The following PUDP variants were observed in gnomAD, a reference collection of about 807,000 sequenced individuals.
PUDP encodes pseudouridine-5'-phosphatase.
In PUDP, 8 loss-of-function variants were observed where a neutral mutation model predicts 9.4. That is an observed-to-expected ratio of 0.85 (90% CI 0.50 to 1.53). The LOEUF (loss-of-function observed/expected upper bound fraction) is 1.53, where lower values mean the gene tolerates loss of function less well. PUDP is among the 40% of genes most tolerant of loss of function. The pLI, the probability that PUDP is intolerant of heterozygous loss-of-function variation, is 0.00. For synonymous variants in PUDP, 99 were observed against 80.7 expected (o/e 1.23, Z -1.22); for missense variants, 188 against 189.7 (o/e 0.99, Z 0.05).
chrX:7,059,129 G>C (rs990296333), intron 3 of PUDP, among the ~76,000 whole-genome samples: 3 of 111,815 alleles, frequency 2.7e-5, no homozygotes, highest in African/African-American at 9.8e-5. Flanking sequence ...CTTTGAAAAA[G>C]TTATTTAACG....
At chrX:7,047,684 A>G (rs946339812), downstream of PUDP, among the ~76,000 whole-genome samples, 10 of 112,422 alleles carry the variant, frequency 8.9e-5, no homozygotes, top group African/African-American at 2.6e-4. Flanking sequence ...TTTTTAGAAG[A>G]TAATAGTTCT....
chrX:7,142,304 G>A (rs757360784), intron 1 of PUDP, among the ~76,000 whole-genome samples: 65 of 112,391 alleles, frequency 5.8e-4, no homozygotes, highest in Admixed American at 4.2e-3. Context: ...AATGTTAACA[G>A]GAGTTTGTAA....
chrX:7,055,795 GAA>G (rs1264670461), intron 3 of PUDP, among the ~76,000 whole-genome samples: 1 of 105,994 alleles, frequency 9.4e-6, no homozygotes, highest in Non-Finnish European at 2.0e-5. Flanking sequence ...AAAGAAAGAA[GAA>G]TATAAGCTAA....
chrX:6,745,348 C>A (rs1602604677), intron 3 of PUDP, among the ~76,000 whole-genome samples: 1 of 112,251 alleles, frequency 8.9e-6, no homozygotes, highest in African/African-American at 3.2e-5. Context: ...ATCTATGATT[C>A]CATTTCATGA....
At chrX:7,119,682 C>G (rs945641524) in intron 1 of PUDP, among the ~76,000 whole-genome samples, 1 of 112,316 alleles carries the variant, frequency 8.9e-6, no homozygotes, top group Non-Finnish European at 1.9e-5. Context: ...GCATAATTCA[C>G]AGGCATTAGC....
chrX:7,034,702 C>T (rs1160198320), intron 1 of PUDP, among the ~76,000 whole-genome samples: 1 of 111,542 alleles, frequency 9.0e-6, no homozygotes, highest in Non-Finnish European at 1.9e-5. Flanking sequence ...TCTATCTATG[C>T]AGAACTGCAA....
intron 1 of PUDP, among the ~76,000 whole-genome samples, chrX:6,714,190 C>G (rs746442999): frequency 8.9e-6 from 1 of 112,005 alleles, no homozygotes; most frequent in African/African-American, 3.2e-5. Flanking sequence ...TCATACCCAG[C>G]CTCAACTGAT....
At chrX:7,141,428 C>A (rs1932794503) in intron 1 of PUDP, among the ~76,000 whole-genome samples, 1 of 113,026 alleles carries the variant, frequency 8.8e-6, no homozygotes, top group Admixed American at 9.3e-5. Context: ...TAACCTAGAG[C>A]AAGGCTCTAA....
intron 3 of PUDP, among the ~76,000 whole-genome samples, chrX:7,068,330 A>G (rs1350988389): frequency 1.8e-5 from 2 of 112,293 alleles, no homozygotes; most frequent in African/African-American, 6.5e-5. Context: ...AAAAGCTTAC[A>G]GAGGGGAATT....
intron 3 of PUDP, among the ~76,000 whole-genome samples, chrX:6,918,542 C>A (rs1402217226): frequency 8.9e-6 from 1 of 112,242 alleles, no homozygotes; most frequent in Non-Finnish European, 1.9e-5. Context: ...TCTGTTCTGG[C>A]TGCTATAAAA....
intron 3 of PUDP, among the ~76,000 whole-genome samples, chrX:6,941,284 A>G (rs1387015436): frequency 9.1e-6 from 1 of 109,536 alleles, no homozygotes; most frequent in African/African-American, 3.3e-5. Flanking sequence ...AATAAAGACT[A>G]GTCAAGTTCA....
At chrX:6,964,101 G>A (rs911100706) in intron 3 of PUDP, among the ~76,000 whole-genome samples, 1 of 112,040 alleles carries the variant, frequency 8.9e-6, no homozygotes. Context: ...TAGGCAACAC[G>A]GGGCTTTATT....
At chrX:6,767,835 G>A (rs1361738021) in intron 3 of PUDP, among the ~76,000 whole-genome samples, 3 of 111,774 alleles carry the variant, frequency 2.7e-5, no homozygotes, top group Non-Finnish European at 3.8e-5. Context: ...TAACCTGCAC[G>A]TGTGCTTTAA....
At chrX:6,739,861 T>A (rs1055588610) in intron 3 of PUDP, among the ~76,000 whole-genome samples, 1 of 111,871 alleles carries the variant, frequency 8.9e-6, no homozygotes, top group South Asian at 3.7e-4. Flanking sequence ...ACCTGGCTAT[T>A]TTTGGAGTAG....
chrX:6,741,820 C>G (rs866618804), intron 3 of PUDP, among the ~76,000 whole-genome samples: 1 of 97,898 alleles, frequency 1.0e-5, no homozygotes, highest in Non-Finnish European at 2.1e-5. Flanking sequence ...CTCTCTCTCT[C>G]TCTCTCTCTC....
chrX:6,839,889 G>A (rs909380110), intron 3 of PUDP, among the ~76,000 whole-genome samples: 1 of 91,640 alleles, frequency 1.1e-5, no homozygotes, highest in Non-Finnish European at 2.2e-5. Flanking sequence ...AGTTAAAAAT[G>A]TATGCCCCCC....
chrX:6,945,030 A>G (rs1602684542), intron 3 of PUDP, among the ~76,000 whole-genome samples: 1 of 111,968 alleles, frequency 8.9e-6, no homozygotes, highest in Non-Finnish European at 1.9e-5. Flanking sequence ...GTATTAACTT[A>G]TGGCTTTGCC....
intron 1 of PUDP, among the ~76,000 whole-genome samples, chrX:7,011,860 GAA>G (rs1401128417): frequency 8.9e-6 from 1 of 112,337 alleles, no homozygotes; most frequent in Non-Finnish European, 1.9e-5. Context: ...AACATCCATA[GAA>G]AAGACTTGAT....
In PUDP at chrX:6,933,639, T is replaced by C. The variant is rs750547877; in HGVS notation, c.*247+43494A>G. ...GGAACAAAGCTGGATGGAGAATGAC[T>C]TTGACGAGCTGAGAGAAGAAGGCTT... On this transcript the variant is annotated intron_variant and NMD_transcript_variant, in intron 3 of 3. Transcript: ENST00000655425. 4.5e-5 allele frequency among the ~76,000 whole-genome samples: 5 copies of C among 112,133 alleles called. 1 individual carries two copies. The South Asian group carries it at 1.9e-3, about 42-fold the overall frequency.
Sources: gnomAD v4.1 joint callset for allele counts (sites outside exome capture counted in the v4.1 genomes callset) on GRCh38, gnomAD v4.1.1 for gene constraint, MANE v1.5 for transcripts, NCBI Gene and HGNC (gene_info 2026-07-23, HGNC 2026-07-21) for gene names.